Variants in CTNNA2 observed in about 807,000 individuals in gnomAD.
CTNNA2 encodes the protein catenin alpha-2.
A neutral mutation model predicts 101.0 loss-of-function variants in CTNNA2; 42 were observed. The ratio of observed to expected loss-of-function variants is 0.42; its 90% CI spans 0.32 to 0.54. The LOEUF (loss-of-function observed/expected upper bound fraction) is 0.54. Ranked by LOEUF, CTNNA2 falls within the 20% of genes least tolerant of loss-of-function variation. The pLI, the probability that CTNNA2 is intolerant of heterozygous loss-of-function variation, is 0.14. For synonymous variants in CTNNA2, 450 were observed against 456.4 expected (o/e 0.99, Z 0.18); for missense variants, 871 against 1,223.1 (o/e 0.71, Z 4.29).
intron 7 of CTNNA2, among the ~76,000 whole-genome samples, chr2:79,969,414 T>C (rs1690316818): frequency 6.6e-6 from 1 of 152,228 alleles, no homozygotes; most frequent in African/African-American, 2.4e-5. Context: ...CTAAGCACTT[T>C]GCATAAGAAC....
At chr2:80,505,795 G>A (rs775734870) in intron 9 of CTNNA2, among the ~76,000 whole-genome samples, 2 of 152,168 alleles carry the variant, frequency 1.3e-5, no homozygotes, top group Non-Finnish European at 1.5e-5. Flanking sequence ...ACTTGGATAT[G>A]AAAATTTCCA....
chr2:80,532,461 T>A (rs1304017717), intron 9 of CTNNA2, among the ~76,000 whole-genome samples: 1 of 152,188 alleles, frequency 6.6e-6, no homozygotes, highest in African/African-American at 2.4e-5. Flanking sequence ...GGTATCCCAG[T>A]GCTTATGTTC....
At chr2:80,108,014 C>G (rs1700996739) in intron 7 of CTNNA2, among the ~76,000 whole-genome samples, 1 of 152,126 alleles carries the variant, frequency 6.6e-6, no homozygotes, top group Admixed American at 6.5e-5. Context: ...GGGCCCAGTG[C>G]CTTTCCTGGG....
At chr2:79,592,894 G>C (rs1478782767) in intron 1 of CTNNA2, among the ~76,000 whole-genome samples, 1 of 152,024 alleles carries the variant, frequency 6.6e-6, no homozygotes, top group Non-Finnish European at 1.5e-5. Flanking sequence ...TTTTTTCTAA[G>C]GAGCTTCTCA....
chr2:80,641,304 A>AT (rs1673460369), intron 18 of CTNNA2, among the ~76,000 whole-genome samples: 1 of 152,176 alleles, frequency 6.6e-6, no homozygotes. Flanking sequence ...CCAATGACAG[A>AT]TTGCTTTGTG....
chr2:80,495,608 G>A (rs1687388248), intron 9 of CTNNA2, among the ~76,000 whole-genome samples: 1 of 152,140 alleles, frequency 6.6e-6, no homozygotes, highest in Admixed American at 6.5e-5. Context: ...AGTAGGTTGG[G>A]CCCTTAAAGC....
rs147399856 is a variant in CTNNA2, at chr2:80,088,405, A to T, written c.1056+178608A>T. On this transcript the variant is annotated intron_variant, in intron 7 of 18. Coordinates refer to ENST00000402739, the MANE Select transcript of CTNNA2 (RefSeq NM_001282597.3). ...CCTCACTGCTACCCTTCCTGTTGACATGACCAGGCCACCTTTTAGCCTAAG... is the reference window on the plus strand; with the variant it reads ...CCTCACTGCTACCCTTCCTGTTGACTTGACCAGGCCACCTTTTAGCCTAAG... Among the ~76,000 whole-genome samples the T allele has an allele frequency of 2.0e-3, 298 of 152,104 alleles. 3 individuals are homozygous for T. Among genetic ancestry groups the T allele is most frequent in the African/African-American group, 6.8e-3 (282 of 41,526 alleles).
chr2:80,234,385 C>G (rs999315538), intron 7 of CTNNA2, among the ~76,000 whole-genome samples: 2 of 152,192 alleles, frequency 1.3e-5, no homozygotes, highest in Admixed American at 6.5e-5. Context: ...TTCGTAGAAC[C>G]TTTCCCCCAC....
chr2:79,571,503 A>T (rs1272889344), intron 1 of CTNNA2, among the ~76,000 whole-genome samples: 1 of 152,052 alleles, frequency 6.6e-6, no homozygotes, highest in African/African-American at 2.4e-5. Context: ...TTGTCTTTTC[A>T]GCTTTTAAAC....
intron 3 of CTNNA2, among the ~76,000 whole-genome samples, chr2:79,325,494 C>A (rs114426460): frequency 0.022 from 3,304 of 152,276 alleles, 48 homozygotes; most frequent in Non-Finnish European, 0.034. Context: ...AACATTAAGG[C>A]AATTAAGCTC....
Position 80,591,727 on chromosome 2 carries a change from C to T in CTNNA2, c.2189+2242C>T, listed in dbSNP as rs561441979. On this transcript the variant is annotated intron_variant, in intron 15 of 18. Coordinates refer to ENST00000402739, the MANE Select transcript of CTNNA2 (RefSeq NM_001282597.3). The stretch of plus-strand genomic sequence containing the variant: ...TATGTGTAAAGGGCATGTGGGTACA[C>T]AATACCCTGGCATTTATTATCTTGT... 3.3e-5 allele frequency among the ~76,000 whole-genome samples: 5 copies of T among 152,198 alleles called. No individual in the cohort carries two copies. In the South Asian group the frequency reaches 1.0e-3, roughly 32 times the overall value.
intron 4 of CTNNA2, among the ~76,000 whole-genome samples, chr2:79,475,375 C>A (rs1232376891): frequency 2.0e-5 from 3 of 152,100 alleles, no homozygotes. Context: ...AAAGGGAAGA[C>A]AAGTGAAGCT....
At chr2:80,495,772 C>A (rs998216448) in intron 9 of CTNNA2, among the ~76,000 whole-genome samples, 1 of 151,820 alleles carries the variant, frequency 6.6e-6, no homozygotes, top group Non-Finnish European at 1.5e-5. Flanking sequence ...AACCCCATCT[C>A]TACTAAAAAA....
chr2:80,562,482 A>G (rs2149677013), intron 12 of CTNNA2, among the ~76,000 whole-genome samples: 1 of 152,352 alleles, frequency 6.6e-6, no homozygotes, highest in East Asian at 1.9e-4. Context: ...TCTGTTAAGG[A>G]TTAGGAAAAG....
At chr2:80,286,877 G>A (rs1295552226) in intron 7 of CTNNA2, among the ~76,000 whole-genome samples, 1 of 152,196 alleles carries the variant, frequency 6.6e-6, no homozygotes, top group African/African-American at 2.4e-5. Context: ...CCCTTTGAGA[G>A]GAGGGCTATG....
At chr2:79,912,908 A>G (rs948248619) in intron 7 of CTNNA2, among the ~76,000 whole-genome samples, 1 of 152,200 alleles carries the variant, frequency 6.6e-6, no homozygotes, top group African/African-American at 2.4e-5. Context: ...CAGTATAAAC[A>G]TAACATTTTA....
intron 7 of CTNNA2, among the ~76,000 whole-genome samples, chr2:80,353,766 T>C (rs1165308293): frequency 6.6e-6 from 1 of 152,194 alleles, no homozygotes; most frequent in Non-Finnish European, 1.5e-5. Flanking sequence ...GAAAGTGCTT[T>C]ATAAACTCTA....
At chr2:79,211,247 A>G (rs1273207121) in intron 2 of CTNNA2, among the ~76,000 whole-genome samples, 2 of 152,196 alleles carry the variant, frequency 1.3e-5, no homozygotes, top group Non-Finnish European at 2.9e-5. Context: ...TCTGGGTATG[A>G]AAGTCTCCGG....
intron 6 of CTNNA2, among the ~76,000 whole-genome samples, chr2:79,896,829 G>T (rs564568863): frequency 6.6e-6 from 1 of 152,306 alleles, no homozygotes; most frequent in Admixed American, 6.5e-5. Context: ...CTGCCAAGAA[G>T]CATCAGAGAG....
Sources: allele counts gnomAD v4.1 joint callset (sites outside exome capture counted in the v4.1 genomes callset), GRCh38; gene constraint gnomAD v4.1.1; transcripts MANE v1.5; gene names NCBI Gene and HGNC (gene_info 2026-07-23, HGNC 2026-07-21).